CDH23: variants seen among roughly 807,000 people sequenced by gnomAD.
CDH23 encodes cadherin-23.
In CDH23, 189 loss-of-function variants were observed where a neutral mutation model predicts 317.1. The observed-to-expected ratio is 0.60, with a 90% CI of 0.53 to 0.67. The LOEUF (loss-of-function observed/expected upper bound fraction) is 0.67. CDH23 is among the 30% of genes least tolerant of loss of function. The pLI is 0.00. For missense variants in CDH23, 4,401 were observed against 4,592.4 expected, an observed-to-expected ratio of 0.96 and a Z score of 1.20; for synonymous variants, 1,839 against 1,876.8, an observed-to-expected ratio of 0.98 and a Z score of 0.52.
At chr10:71,632,356 A>G (rs1264998610) in intron 11 of CDH23, among the ~76,000 whole-genome samples, 3 of 152,170 alleles carry the variant, frequency 2.0e-5, no homozygotes, top group African/African-American at 7.2e-5. Flanking sequence ...GTGAGATTCA[A>G]TCTAATTCAG....
intron 1 of CDH23, among the ~76,000 whole-genome samples, chr10:71,435,719 A>G (rs1437080456): frequency 2.0e-5 from 3 of 152,184 alleles, no homozygotes; most frequent in Non-Finnish European, 4.4e-5. Context: ...GGGCCTGAGG[A>G]TGGTGGAGGA....
In CDH23 at chr10:71,725,362, C is replaced by T. The variant is rs1197879858; in HGVS notation, c.3431-10C>T. The stretch of plus-strand genomic sequence containing the variant: ...GGCCGGTGTTCCAGGGGGTCTGTCC[C>T]TCCACACAGGTAACCATGGCAACAA... On this transcript the variant is annotated splice_polypyrimidine_tract_variant and intron_variant, in intron 29 of 69. Coordinates refer to ENST00000224721, the MANE Select transcript of CDH23 (RefSeq NM_022124.6). 1.2e-6 allele frequency: 2 copies of T among 1,613,880 alleles called. No individual in the cohort carries two copies. Among genetic ancestry groups the T allele is most frequent in the African/African-American group, 2.7e-5 (2 of 74,910 alleles).
chr10:71,759,597 A>C (rs1840242399), intron 38 of CDH23, among the ~76,000 whole-genome samples: 1 of 151,750 alleles, frequency 6.6e-6, no homozygotes, highest in Admixed American at 6.6e-5. Context: ...ATCATTTGTC[A>C]GTAGTTTGAG....
intron 9 of CDH23, among the ~76,000 whole-genome samples, chr10:71,578,365 C>A (rs1858374458): frequency 6.6e-6 from 1 of 152,170 alleles, no homozygotes; most frequent in South Asian, 2.1e-4. Flanking sequence ...TTGTCTTTTT[C>A]TTCTCGTATT....
rs377121007 is a variant in CDH23 at position 71,805,826 on chromosome 10, C to T, written c.7893C>T (p.Asn2631=). The change falls in exon 56 of 70, where the codon AAC becomes AAT. Residue 2631 remains asparagine, a synonymous_variant. Coordinates refer to ENST00000224721, the MANE Select transcript of CDH23 (RefSeq NM_022124.6). The stretch of plus-strand genomic sequence containing the variant: ...CACAGGAGATCCCGCTGCGCTCCAA[C>T]GTGTACGAGGTCTACGCCACGGACA... ...HIREEIPLRS[N]VYEVYATDKD... 4 of 1,613,448 alleles carry T rather than the reference C, an allele frequency of 2.5e-6. No individual in the cohort carries two copies. Among genetic ancestry groups the T allele is most frequent in the Admixed American group, 1.7e-5 (1 of 59,972 alleles).
chr10:71,466,503 T>C (rs952891699), intron 3 of CDH23, among the ~76,000 whole-genome samples: 11 of 152,134 alleles, frequency 7.2e-5, no homozygotes, highest in African/African-American at 2.7e-4. Context: ...TATGCGTGTG[T>C]CCCTGCTGAT....
intron 38 of CDH23, among the ~76,000 whole-genome samples, chr10:71,756,813 G>A (rs1840160790): frequency 1.3e-5 from 2 of 152,168 alleles, no homozygotes; most frequent in South Asian, 4.1e-4. Context: ...AAATGGCTGT[G>A]GTCTAAATGT....
intron 14 of CDH23, among the ~76,000 whole-genome samples, chr10:71,653,839 C>T (rs558311316): frequency 2.2e-4 from 33 of 152,262 alleles, no homozygotes; most frequent in East Asian, 1.9e-4. Flanking sequence ...TGAAGAGAGA[C>T]GGGGCATTTA....
rs561969746 is a variant in CDH23 at position 71,506,367 on chromosome 10, G to C, written c.146-3715G>C. Among the ~76,000 whole-genome samples the C allele has an allele frequency of 3.1e-4, 47 of 152,316 alleles. No individual in the cohort carries two copies. The South Asian group carries it at 9.5e-3, about 31-fold the overall frequency. On this transcript the variant is annotated intron_variant, in intron 3 of 69. Transcript: ENST00000224721. ...GCCACTGAATTGTGTACTTTAAATG[G>C]TTGAAGAGGTAAATTGCATGTGATG... is the stretch of plus-strand genomic sequence containing the variant.
chr10:71,675,903 C>CTTTTTT (rs66656163), intron 15 of CDH23, among the ~76,000 whole-genome samples: 2 of 120,874 alleles, frequency 1.7e-5, no homozygotes, highest in Non-Finnish European at 3.3e-5. Context: ...AGCCCTCTAA[C>CTTTTTT]TTTTTTTTTT....
chr10:71,753,616 C>CTGCCGCT (rs1840061110), intron 38 of CDH23, among the ~76,000 whole-genome samples: 2 of 152,224 alleles, frequency 1.3e-5, no homozygotes, highest in African/African-American at 4.8e-5. Context: ...ATCCAAGTTG[C>CTGCCGCT]TGCCGCTTGC....
intron 1 of CDH23, among the ~76,000 whole-genome samples, chr10:71,404,724 AG>A (rs1848017749): frequency 6.6e-6 from 1 of 152,240 alleles, no homozygotes; most frequent in South Asian, 2.1e-4. Flanking sequence ...CCCTGCAATC[AG>A]CCACCCAGAG....
chr10:71,555,329 C>G (rs1038131662), intron 6 of CDH23, among the ~76,000 whole-genome samples: 33 of 152,288 alleles, frequency 2.2e-4, no homozygotes, highest in African/African-American at 7.0e-4. Flanking sequence ...CACGGCCCTC[C>G]CTGTTCCCTT....
intron 3 of CDH23, among the ~76,000 whole-genome samples, chr10:71,462,031 T>C (rs1851017749): frequency 6.6e-6 from 1 of 152,210 alleles, no homozygotes; most frequent in Non-Finnish European, 1.5e-5. Context: ...GCGCCTGCCC[T>C]TTGGGCAGCA....
rs1019788678 is a variant in CDH23 at position 71,789,039 on chromosome 10, G to T, written c.5920G>T (p.Ala1974Ser). The T allele has an allele frequency of 6.7e-7, 1 of 1,492,256 alleles. No homozygotes were observed. The highest frequency in any genetic ancestry group is 1.4e-5 in the African/African-American group (1 of 72,550). The allele number at this position is 1,492,256 out of a possible 1,614,324, so 92.4% of individuals were successfully genotyped here. ...YQAEVMENSP[A>S]GTPLTVLNGP... ...GGCAGAGGTGATGGAAAACTCTCCC[G>T]CTGGTAGGTGCTGGGCCCACCCGGG... is the stretch of plus-strand genomic sequence containing the variant. Residue 1974 changes from alanine to serine, a missense_variant, in exon 45 of 70, where the codon GCT (alanine) becomes TCT (serine). By Grantham distance (99) the Ala-to-Ser change is moderately conservative (BLOSUM62 1). This residue lies in a region of CDH23 where 3,068 missense variants were observed against 3,203.3 expected (regional missense o/e 0.96). Coordinates refer to ENST00000224721, the MANE Select transcript of CDH23 (RefSeq NM_022124.6).
intron 3 of CDH23, among the ~76,000 whole-genome samples, chr10:71,454,765 G>A (rs1268359915): frequency 5.9e-5 from 9 of 152,092 alleles, no homozygotes; most frequent in Non-Finnish European, 1.3e-4. Context: ...CCATCAGAGT[G>A]AAATCCCAGG....
Position 71,778,260 on chromosome 10 carries a change from C to G in CDH23, c.5139C>G (p.Ala1713=). The change falls in exon 40 of 70, where the codon GCC becomes GCG. Residue 1713 remains alanine, a synonymous_variant. Transcript: ENST00000224721. The part of the protein sequence containing the change: ...SHGRYTLIVT[A]TDQCPILSHR... Reference sequence around the variant, plus strand: ...GCCGCTACACCCTGATCGTCACTGCCACAGACCAGTGCCCCATCTTATCCC... The same window carrying G: ...GCCGCTACACCCTGATCGTCACTGCGACAGACCAGTGCCCCATCTTATCCC... 1 of 1,613,956 alleles carries G rather than the reference C, an allele frequency of 6.2e-7. No individual in the cohort carries two copies. The highest frequency in any genetic ancestry group is 2.2e-5 in the East Asian group (1 of 44,880).
At chr10:71,710,064 G>A (rs1042808676) in intron 27 of CDH23, among the ~76,000 whole-genome samples, 7 of 152,074 alleles carry the variant, frequency 4.6e-5, no homozygotes, top group East Asian at 1.9e-4. Context: ...ATGATCTCCC[G>A]CTGGCTCCCT....
At chr10:71,808,882 G>T (rs948803669) in intron 60 of CDH23, among the ~76,000 whole-genome samples, 2 of 152,142 alleles carry the variant, frequency 1.3e-5, no homozygotes, top group African/African-American at 4.8e-5. Context: ...TGCCTGGAAT[G>T]CCATTTTGAC....
Sources: gnomAD v4.1 joint callset for allele counts (sites outside exome capture counted in the v4.1 genomes callset) on GRCh38, gnomAD v4.1.1 for gene constraint, gnomAD v4.1.1 regional missense constraint, MANE v1.5 for transcripts, NCBI Gene and HGNC (gene_info 2026-07-23, HGNC 2026-07-21) for gene names.